COQ2: variants seen among roughly 807,000 people sequenced by gnomAD.
COQ2 encodes the protein 4-hydroxybenzoate polyprenyltransferase, mitochondrial.
COQ2 carries 25 observed loss-of-function variants against 35.7 expected under a neutral mutation model. The ratio of observed to expected loss-of-function variants is 0.70; its 90% CI spans 0.51 to 0.98. COQ2 has a LOEUF of 0.98. COQ2 is among the 50% of genes least tolerant of loss of function. The pLI is 0.00. For synonymous variants in COQ2, 206 were observed against 186.2 expected, an observed-to-expected ratio of 1.11 and a Z score of -0.86; for missense variants, 488 against 473.5, an observed-to-expected ratio of 1.03 and a Z score of -0.28.
intron 2 of COQ2, among the ~76,000 whole-genome samples, chr4:83,276,833 T>C (rs906624800): frequency 2.6e-5 from 4 of 152,148 alleles, no homozygotes; most frequent in African/African-American, 9.7e-5. Flanking sequence ...AAATGTGGTA[T>C]ATATACACCA....
At position 83,264,281 on chromosome 4, in the gene COQ2, A is replaced by G. The variant is rs1230759368; in HGVS notation, c.1034T>C (p.Leu345Ser). The G allele has an allele frequency of 5.6e-6, 9 of 1,612,090 alleles. No individual in the cohort carries two copies. The highest frequency in any genetic ancestry group is 1.7e-5 in the Admixed American group (1 of 59,788). Residue 345 changes from leucine (L) to serine (S), a missense_variant, in exon 7 of 7, where the codon TTA (leucine) becomes TCA (serine). Coordinates refer to ENST00000647002, the MANE Select transcript of COQ2 (RefSeq NM_001358921.2). ...SNRTLGLIVF[L>S]GIVLGNLWKE... The stretch of plus-strand genomic sequence containing the variant: ...CCACAAATTCCCAAGGACAATCCCT[A>G]AAAAAACTATTAGTCCCAGTGTTCG...
chr4:83,271,981 A>T (rs1250150118), intron 4 of COQ2, 106 bp downstream of exon 4: 1 of 751,568 alleles, frequency 1.3e-6, no homozygotes, highest in East Asian at 3.1e-5. Flanking sequence ...GGTTAGGAAA[A>T]TTACATGACT....
intron 6 of COQ2, among the ~76,000 whole-genome samples, chr4:83,264,923 G>T (rs1406476853): frequency 6.6e-6 from 1 of 152,158 alleles, no homozygotes; most frequent in Non-Finnish European, 1.5e-5. Flanking sequence ...AGGGCAATCT[G>T]GTGCAGCACA....
chr4:83,276,041 A>T, intron 2 of COQ2, among the ~76,000 whole-genome samples: 1 of 140,026 alleles, frequency 7.1e-6, no homozygotes, highest in African/African-American at 2.7e-5. Flanking sequence ...TATAATATAT[A>T]AAATATATAT....
chr4:83,273,968 G>A (rs1164681326), intron 2 of COQ2, among the ~76,000 whole-genome samples: 41 of 134,206 alleles, frequency 3.1e-4, no homozygotes, highest in Middle Eastern at 4.3e-3. Flanking sequence ...ACATAAGGAG[G>A]CGCTGTCTCT....
At position 83,284,582 on chromosome 4, in the gene COQ2, C is replaced by A. The variant is rs1306360546; in HGVS notation, c.183G>T (p.Ala61=). Residue 61 remains alanine, a synonymous_variant, in exon 1 of 7, where the codon GCG becomes GCT. Coordinates refer to ENST00000647002, the MANE Select transcript of COQ2 (RefSeq NM_001358921.2). The part of the protein sequence containing the change: ...PRGRQLSLSA[A]AVVDSAPRPL... ...GGCGGGGCGCAGAGTCCACCACCGC[C>A]GCCGCGGACAAACTGAGCTGGCGCC... 1.9e-6 allele frequency: 3 copies of A among 1,549,562 alleles called. No homozygotes were observed. The highest frequency in any genetic ancestry group is 3.9e-5 in the Admixed American group (2 of 51,554).
intron 1 of COQ2, chr4:83,284,025 G>A: frequency 1.0e-6 from 1 of 985,444 alleles, no homozygotes; most frequent in African/African-American, 1.7e-5. Context: ...GTCTGGCTCT[G>A]ACGAGGAGCC....
At chr4:83,266,969 C>A (rs905896509) in intron 6 of COQ2, 2 of 312,320 alleles carry the variant, frequency 6.4e-6, no homozygotes, top group Non-Finnish European at 1.3e-5. Flanking sequence ...AGTAATTCAA[C>A]TCAAACCACA....
chr4:83,273,041 G>A (rs1735086201), intron 3 of COQ2, among the ~76,000 whole-genome samples: 1 of 152,324 alleles, frequency 6.6e-6, no homozygotes, highest in South Asian at 2.1e-4. Flanking sequence ...ACAGGAATGA[G>A]TCCTCCCACT....
rs2126173614 is a variant in COQ2 at position 83,273,565 on chromosome 4, T to C, written c.473A>G (p.Gln158Arg). 4 of 1,613,584 alleles carry C rather than the reference T, an allele frequency of 2.5e-6. No homozygotes were observed. The East Asian group carries it at 6.7e-5, about 27-fold the overall frequency. ...PIAAGDISTF[Q>R]SFVFLGGQLT... Reference sequence around the variant, plus strand: ...CTGTCCCCCAAGAAAAACAAAGGACTGAAAAGTTGAAATGTCTCCAGCGGC... The same window carrying C: ...CTGTCCCCCAAGAAAAACAAAGGACCGAAAAGTTGAAATGTCTCCAGCGGC... The change falls in exon 3 of 7, where the codon CAG (glutamine) becomes CGG (arginine). Residue 158 changes from glutamine (Q) to arginine (R), a missense_variant. Transcript: ENST00000647002.
In COQ2 at chr4:83,284,668, G is replaced by A; in HGVS notation, c.97C>T (p.Arg33Cys). 1 of 1,436,396 alleles carries A rather than the reference G, an allele frequency of 7.0e-7. No individual in the cohort carries two copies. The highest frequency in any genetic ancestry group is 9.1e-7 in the Non-Finnish European group (1 of 1,100,926). The allele number at this position is 1,436,396 out of a possible 1,614,324, so 89.0% of individuals were successfully genotyped here. ...CCACCGTGGGGCGCGCCTGCCGCAC[G>A]CGCCAGGGCGAAGGAGCGGCCCCGC... Reference protein sequence around the residue: ...GWRGRSFALARAAGAPHGGDL... With the variant: ...GWRGRSFALACAAGAPHGGDL... The change falls in exon 1 of 7, where the codon CGT (arginine) becomes TGT (cysteine). Residue 33 changes from arginine to cysteine, a missense_variant. Arg to Cys is a radical substitution (Grantham distance 180, BLOSUM62 -3). Transcript: ENST00000647002.
At chr4:83,270,021 G>GA (rs2126172452) in intron 4 of COQ2, 28 bp from the exon 5 acceptor site, 2 of 1,612,322 alleles carry the variant, frequency 1.2e-6, no homozygotes, top group African/African-American at 1.3e-5. Context: ...CAAAAAGGGG[G>GA]AAAGTCTGTA....
At chr4:83,267,545 T>C in intron 6 of COQ2, 41 bp downstream of exon 6, 1 of 1,492,388 alleles carries the variant, frequency 6.7e-7, no homozygotes, top group Non-Finnish European at 8.9e-7. Context: ...TTATAATTTA[T>C]ACCAAGGAAA....
intron 2 of COQ2, among the ~76,000 whole-genome samples, chr4:83,274,970 A>G (rs1359775459): frequency 2.6e-5 from 4 of 152,028 alleles, no homozygotes; most frequent in Non-Finnish European, 5.9e-5. Context: ...TATTATTACA[A>G]TTATTATATC....
Position 83,271,083 on chromosome 4 carries a change from G to C in COQ2, c.628+1004C>G, listed in dbSNP as rs113935545. On this transcript the variant is annotated intron_variant, in intron 4 of 6. Coordinates refer to ENST00000647002, the MANE Select transcript of COQ2 (RefSeq NM_001358921.2). Reference sequence around the variant, plus strand: ...CTGAAAAAAATGATTCAAAGAACTAGAATCATTCTAGGAATAGAATAGAAA... The same window carrying C: ...CTGAAAAAAATGATTCAAAGAACTACAATCATTCTAGGAATAGAATAGAAA... 7.2e-5 allele frequency among the ~76,000 whole-genome samples: 11 copies of C among 152,236 alleles called. 1 individual carries two copies. Among genetic ancestry groups the C allele is most frequent in the African/African-American group, 2.6e-4 (11 of 41,534 alleles).
intron 2 of COQ2, among the ~76,000 whole-genome samples, chr4:83,277,759 C>T (rs893329227): frequency 1.3e-5 from 2 of 152,098 alleles, no homozygotes; most frequent in African/African-American, 2.4e-5. Context: ...CACCTGAAGT[C>T]GGGAGTTCGA....
chr4:83,271,059 T>G (rs1481070466), intron 4 of COQ2, among the ~76,000 whole-genome samples: 1 of 152,148 alleles, frequency 6.6e-6, no homozygotes, highest in Non-Finnish European at 1.5e-5. Flanking sequence ...TTTCATTTAC[T>G]GAAAAAAATG....
In COQ2 at chr4:83,284,784, C is replaced by T. The variant is rs1337199654; in HGVS notation, c.-20G>A. 1 of 1,565,042 alleles carries T rather than the reference C, an allele frequency of 6.4e-7. No homozygotes were observed. Among genetic ancestry groups the T allele is most frequent in the Non-Finnish European group, 8.6e-7 (1 of 1,162,696 alleles). The stretch of plus-strand genomic sequence containing the variant: ...CAGCATGGCGCTGGTGAGGCCGGGA[C>T]GAGCTCGGATTGACGTCATTCCCCG... On this transcript the variant is annotated 5_prime_UTR_variant, in exon 1 of 7. Transcript: ENST00000647002.
intron 1 of COQ2, among the ~76,000 whole-genome samples, chr4:83,280,683 TAGG>T (rs969609725): frequency 6.6e-6 from 1 of 152,194 alleles, no homozygotes; most frequent in Non-Finnish European, 1.5e-5. Context: ...TAGCTAGTTT[TAGG>T]AGGAGGGAGA....
Sources: allele counts gnomAD v4.1 joint callset (sites outside exome capture counted in the v4.1 genomes callset), GRCh38; gene constraint gnomAD v4.1.1; transcripts MANE v1.5; gene names NCBI Gene and HGNC (gene_info 2026-07-23, HGNC 2026-07-21).